Variants in SLC6A2 observed in about 807,000 individuals in gnomAD.
SLC6A2 encodes the protein solute carrier family 6 member 2.
A neutral mutation model predicts 71.7 loss-of-function variants in SLC6A2; 26 were observed. The ratio of observed to expected loss-of-function variants is 0.36; its 90% CI spans 0.27 to 0.50. SLC6A2 has a LOEUF of 0.50. SLC6A2 is among the 20% of genes least tolerant of loss of function. SLC6A2 has a pLI of 0.96. For synonymous variants in SLC6A2, 363 were observed against 337.9 expected, an observed-to-expected ratio of 1.07 and a Z score of -0.82; for missense variants, 581 against 803.9, an observed-to-expected ratio of 0.72 and a Z score of 3.35.
chr16:55,699,561 C>T lies in SLC6A2; in HGVS notation c.1497C>T (p.Asp499=). 6.2e-7 allele frequency: 1 copy of T among 1,613,782 alleles called. No homozygotes were observed. The highest frequency in any genetic ancestry group is 2.2e-5 in the East Asian group (1 of 44,852). Residue 499 remains aspartate (D), a synonymous_variant, in exon 12 of 15, where the codon GAC becomes GAT. Coordinates refer to ENST00000568943, the MANE Select transcript of SLC6A2 (RefSeq NM_001172501.3). ...TGCCCTGTGTGTGCACAGGAGTGGACAGGTTCAGCAACGACATCCAGCAGA... is the reference window on the plus strand; with the variant it reads ...TGCCCTGTGTGTGCACAGGAGTGGATAGGTTCAGCAACGACATCCAGCAGA... ...AIGVSWFYGV[D]RFSNDIQQMM... is the part of the protein sequence containing the mutation.
Position 55,705,090 on chromosome 16 carries a change from A to G in SLC6A2, c.*2744A>G. The stretch of plus-strand genomic sequence containing the variant: ...CTGTATATGACACTTGACGCTTTTG[A>G]TATTTTTTCAGGTTTTTAAAGAATT... On this transcript the variant is annotated 3_prime_UTR_variant, in exon 15 of 15. Transcript: ENST00000568943. The G allele has an allele frequency of 2.5e-6, 2 of 797,994 alleles. No homozygotes were observed. Among genetic ancestry groups the G allele is most frequent in the Non-Finnish European group, 4.2e-6 (2 of 481,132 alleles). 49.4% of individuals were successfully genotyped at this position (797,994 alleles called of 1,614,324 possible).
At chr16:55,673,988 G>A (rs1965003885) in intron 4 of SLC6A2, among the ~76,000 whole-genome samples, 2 of 151,996 alleles carry the variant, frequency 1.3e-5, no homozygotes, top group African/African-American at 4.8e-5. Flanking sequence ...TTATTCCGTA[G>A]TCTTAATTCA....
At chr16:55,680,633 G>A (rs1021489864) in intron 4 of SLC6A2, among the ~76,000 whole-genome samples, 3 of 152,234 alleles carry the variant, frequency 2.0e-5, no homozygotes, top group Non-Finnish European at 4.4e-5. Context: ...TGACTTAAAT[G>A]TTAATCTCCT....
rs1294998035 is a variant in SLC6A2, at chr16:55,701,846, CCTTCT to C, written c.1759-12_1759-8del. On this transcript the variant is annotated splice_polypyrimidine_tract_variant and intron_variant, in intron 13 of 14. Transcript: ENST00000568943. ...CCTGGGCCAAGCTGAGGCCTCCTCCCCTTCTCTTCCTTTCAGAGACTGGCCTATGG... is the reference window on the plus strand; with the variant it reads ...CCTGGGCCAAGCTGAGGCCTCCTCCCCTTCCTTTCAGAGACTGGCCTATGG... The C allele has an allele frequency of 5.6e-6, 9 of 1,610,484 alleles. No individual in the cohort carries two copies. Among genetic ancestry groups the C allele is most frequent in the Non-Finnish European group, 7.6e-6 (9 of 1,176,720 alleles).
At chr16:55,666,444 C>A (rs1474624835) in intron 2 of SLC6A2, among the ~76,000 whole-genome samples, 2 of 152,194 alleles carry the variant, frequency 1.3e-5, no homozygotes, top group Non-Finnish European at 2.9e-5. Flanking sequence ...GAGAAGGAAA[C>A]TCTCCCAGGT....
intron 13 of SLC6A2, among the ~76,000 whole-genome samples, 173 bp from the exon 14 acceptor site, chr16:55,701,690 C>G (rs998228825): frequency 5.3e-5 from 8 of 152,240 alleles, no homozygotes; most frequent in Non-Finnish European, 1.2e-4. Flanking sequence ...ATGAGTGACT[C>G]AATGGACCAG....
chr16:55,656,508 C>G lies in SLC6A2; in HGVS notation c.-51-136C>G. 1.4e-6 allele frequency: 1 copy of G among 696,922 alleles called. No individual in the cohort carries two copies. The highest frequency in any genetic ancestry group is 2.4e-6 in the Non-Finnish European group (1 of 410,518). The allele number at this position is 696,922 out of a possible 1,614,324, so 43.2% of individuals were successfully genotyped here. ...TGTTTCCAAATTTTTCCAGCGGACG[C>G]GCGCCCTTTTCTGGGAACCCTGCGT... On this transcript the variant is annotated intron_variant, in intron 1 of 14. Coordinates refer to ENST00000568943, the MANE Select transcript of SLC6A2 (RefSeq NM_001172501.3). The surrounding 1 kb of genome is among the most constrained non-coding windows in gnomAD (Gnocchi z 4.5).
chr16:55,692,188 AG>A, intron 6 of SLC6A2, 136 bp downstream of exon 6: 1 of 1,037,922 alleles, frequency 9.6e-7, no homozygotes, highest in Non-Finnish European at 1.5e-6. Flanking sequence ...TCCCTGTCTG[AG>A]GTGCAGCTTC....
chr16:55,698,525 T>C lies in SLC6A2; in HGVS notation c.1446T>C (p.Leu482=). 1.2e-6 allele frequency: 2 copies of C among 1,614,128 alleles called. No individual in the cohort carries two copies. Among genetic ancestry groups the C allele is most frequent in the Non-Finnish European group, 1.7e-6 (2 of 1,179,988 alleles). The change falls in exon 11 of 15, where the codon CTT becomes CTC. Residue 482 remains leucine (L), a synonymous_variant. Coordinates refer to ENST00000568943, the MANE Select transcript of SLC6A2 (RefSeq NM_001172501.3). ...LDTFAAGTSI[L]FAVLMEAIGV... is the part of the protein sequence containing the mutation. The stretch of plus-strand genomic sequence containing the variant: ...CCTTTGCTGCGGGCACCTCCATCCT[T>C]TTTGCTGTCCTCATGGAAGCCATCG...
chr16:55,697,478 G>A (rs756942439), intron 9 of SLC6A2, among the ~76,000 whole-genome samples: 2 of 152,172 alleles, frequency 1.3e-5, no homozygotes, highest in Non-Finnish European at 2.9e-5. Context: ...ATCAAAAACT[G>A]CTGCCTGAAG....
At chr16:55,662,691 C>T (rs554902198) in intron 2 of SLC6A2, among the ~76,000 whole-genome samples, 31 of 152,302 alleles carry the variant, frequency 2.0e-4, no homozygotes, top group African/African-American at 2.9e-4. Flanking sequence ...TCCAAAGTGA[C>T]GAGCAGATGG....
chr16:55,658,930 A>G (rs189253673), intron 2 of SLC6A2, among the ~76,000 whole-genome samples: 1 of 152,288 alleles, frequency 6.6e-6, no homozygotes, highest in Admixed American at 6.5e-5. Context: ...AGGTTTAAGC[A>G]TGGCTGTTTG....
In SLC6A2 at chr16:55,702,306, G is replaced by C; in HGVS notation, c.1831-17G>C. The stretch of plus-strand genomic sequence containing the variant: ...GTCCCCACCATGTCATCAAGTCCTC[G>C]CTGTCTTTCTCTGCAGTTGCAACAC... On this transcript the variant is annotated splice_polypyrimidine_tract_variant and intron_variant, in intron 14 of 14. Coordinates refer to ENST00000568943, the MANE Select transcript of SLC6A2 (RefSeq NM_001172501.3). 6.2e-7 allele frequency: 1 copy of C among 1,613,918 alleles called. No homozygotes were observed. Among genetic ancestry groups the C allele is most frequent in the Non-Finnish European group, 8.5e-7 (1 of 1,179,792 alleles).
chr16:55,656,542 C>G lies in SLC6A2; in HGVS notation c.-51-102C>G. 1 of 929,480 alleles carries G rather than the reference C, an allele frequency of 1.1e-6. No homozygotes were observed. Among genetic ancestry groups the G allele is most frequent in the Middle Eastern group, 3.3e-4 (1 of 3,010 alleles). 57.6% of individuals were successfully genotyped at this position (929,480 alleles called of 1,614,324 possible). On this transcript the variant is annotated intron_variant, in intron 1 of 14. Transcript: ENST00000568943. The surrounding 1 kb of genome is among the most constrained non-coding windows in gnomAD (Gnocchi z 4.5). Reference sequence around the variant, plus strand: ...TTCTGGGAACCCTGCGTCCGCTCAGCGCGCGCTCATCCCAGTGTCTAAGGC... The same window carrying G: ...TTCTGGGAACCCTGCGTCCGCTCAGGGCGCGCTCATCCCAGTGTCTAAGGC...
intron 4 of SLC6A2, among the ~76,000 whole-genome samples, chr16:55,677,848 A>C (rs1338328299): frequency 6.6e-6 from 1 of 151,850 alleles, no homozygotes; most frequent in Non-Finnish European, 1.5e-5. Flanking sequence ...TTTTGTAGAG[A>C]TGGGGTTTCA....
chr16:55,702,433 G>T lies in SLC6A2; in HGVS notation c.*87G>T. ...GCTCCCACCTCGGACACCATCTTGG[G>T]ATTCCTCCCCTGGAAGTTGTCCTTT... On this transcript the variant is annotated 3_prime_UTR_variant, in exon 15 of 15. Coordinates refer to ENST00000568943, the MANE Select transcript of SLC6A2 (RefSeq NM_001172501.3). 6.2e-7 allele frequency: 1 copy of T among 1,611,942 alleles called. No individual in the cohort carries two copies. Among genetic ancestry groups the T allele is most frequent in the Non-Finnish European group, 8.5e-7 (1 of 1,178,984 alleles).
Position 55,699,564 on chromosome 16 carries a change from G to C in SLC6A2, c.1500G>C (p.Arg500Ser). ...CCTGTGTGTGCACAGGAGTGGACAG[G>C]TTCAGCAACGACATCCAGCAGATGA... is the stretch of plus-strand genomic sequence containing the variant. ...IGVSWFYGVD[R>S]FSNDIQQMMG... The change falls in exon 12 of 15, where the codon AGG becomes AGC. Residue 500 changes from arginine to serine, a missense_variant. Around this residue, in one of 5 missense-constraint regions of SLC6A2, gnomAD observed 334 missense variants for 449.0 expected, o/e 0.74. Transcript: ENST00000568943. The C allele has an allele frequency of 3.1e-6, 5 of 1,613,970 alleles. No individual in the cohort carries two copies. The highest frequency in any genetic ancestry group is 4.2e-6 in the Non-Finnish European group (5 of 1,179,872).
At chr16:55,691,210 GA>G (rs1253014735) in intron 5 of SLC6A2, among the ~76,000 whole-genome samples, 19 of 131,774 alleles carry the variant, frequency 1.4e-4, no homozygotes, top group African/African-American at 2.9e-4. Flanking sequence ...GAGAAAAAGA[GA>G]GGGGGGGAGG....
chr16:55,699,383 C>T (rs1965899201), intron 11 of SLC6A2, among the ~76,000 whole-genome samples, 171 bp from the exon 12 acceptor site: 1 of 152,152 alleles, frequency 6.6e-6, no homozygotes, highest in African/African-American at 2.4e-5. Flanking sequence ...AGAGTTTGTC[C>T]TCTCCCTCAT....
Sources: gnomAD v4.1 joint callset for allele counts (sites outside exome capture counted in the v4.1 genomes callset) on GRCh38, gnomAD v4.1.1 for gene constraint, gnomAD v4.1.1 regional missense constraint, Gnocchi (gnomAD v3.1) non-coding constraint, MANE v1.5 for transcripts, NCBI Gene and HGNC (gene_info 2026-07-23, HGNC 2026-07-21) for gene names.